The following VPS35L variants were observed in gnomAD, a reference collection of about 807,000 sequenced individuals.
VPS35L encodes the protein VPS35 endosomal protein sorting factor like.
A neutral mutation model predicts 133.0 loss-of-function variants in VPS35L; 83 were observed. The observed-to-expected ratio is 0.62, with a 90% CI of 0.52 to 0.75. The LOEUF is 0.75. Ranked by LOEUF, VPS35L falls within the 30% of genes least tolerant of loss-of-function variation. The probability of loss-of-function intolerance (pLI) is 0.00; values close to 1 mark genes in which losing one functional copy is unlikely to be tolerated. For missense variants in VPS35L, 1,083 were observed against 1,206.8 expected, an observed-to-expected ratio of 0.90 and a Z score of 1.52; for synonymous variants, 423 against 449.9, an observed-to-expected ratio of 0.94 and a Z score of 0.76.
At chr16:19,657,126 G>A (rs1335799989) in intron 26 of VPS35L, among the ~76,000 whole-genome samples, 1 of 151,604 alleles carries the variant, frequency 6.6e-6, no homozygotes, top group South Asian at 2.1e-4. Context: ...CCACCACACC[G>A]GGCTAATTTT....
chr16:19,573,209 G>A lies in VPS35L; in HGVS notation c.376G>A (p.Ala126Thr). 1.2e-6 allele frequency: 2 copies of A among 1,613,940 alleles called. No homozygotes were observed. Among genetic ancestry groups the A allele is most frequent in the Non-Finnish European group, 8.5e-7 (1 of 1,179,894 alleles). ...GACCAACAAACGGGGAGAAATCCTT[G>A]CCCGGTACACCACTACCGAAAAGCT... is the stretch of plus-strand genomic sequence containing the variant. ...PWTNKRGEIL[A>T]RYTTTEKLSI... Residue 126 changes from alanine (A) to threonine (T), a missense_variant, in exon 4 of 31, where the codon GCC (alanine) becomes ACC (threonine). Physicochemically the swap from Ala to Thr is moderately conservative, Grantham distance 58. Coordinates refer to ENST00000417362, the MANE Select transcript of VPS35L (RefSeq NM_020314.7).
At chr16:19,625,491 T>C (rs915050620) in intron 14 of VPS35L, among the ~76,000 whole-genome samples, 16 of 151,680 alleles carry the variant, frequency 1.1e-4, no homozygotes, top group African/African-American at 3.4e-4. Flanking sequence ...AGTGCAGGAG[T>C]TATCTCCCAT....
chr16:19,633,576 G>A lies in VPS35L; in HGVS notation c.1635+404G>A, dbSNP rs62024066. Among the ~76,000 whole-genome samples, 8,578 of 152,220 alleles carry A rather than the reference G, an allele frequency of 0.056. 459 individuals are homozygous for A. The highest frequency in any genetic ancestry group is 0.22 in the East Asian group (1,161 of 5,166). ...CAGTCACGGAGGCTGGAGTGCAGTG[G>A]TGCGATCACCGCTTGGCACAGCCTC... is the stretch of plus-strand genomic sequence containing the variant. On this transcript the variant is annotated intron_variant, in intron 19 of 30. Coordinates refer to ENST00000417362, the MANE Select transcript of VPS35L (RefSeq NM_020314.7). This position sits in a 1 kb window ranked among gnomAD's most constrained non-coding sequence, Gnocchi z 4.1.
In VPS35L at chr16:19,650,499, A is replaced by C. The variant is rs958553819; in HGVS notation, c.2106+40A>C. On this transcript the variant is annotated intron_variant, in intron 25 of 30. Transcript: ENST00000417362. ...TAAGGACTGTTGGACCTCGAACTCC[A>C]GTGGGCTGTTTAGTTTGCAGGTTAC... 4 of 1,493,380 alleles carry C rather than the reference A, an allele frequency of 2.7e-6. No homozygotes were observed. The African/African-American group carries it at 5.5e-5, about 21-fold the overall frequency. 92.5% of individuals were successfully genotyped at this position (1,493,380 alleles called of 1,614,324 possible). A position where few individuals can be genotyped will look rare whatever the true frequency, so the allele number is the denominator to read the frequency against.
rs531769532 is a variant in VPS35L at position 19,608,415 on chromosome 16, A to G, written c.881+141A>G. The G allele has an allele frequency of 2.4e-4, 156 of 658,584 alleles. No individual in the cohort carries two copies. In the East Asian group the frequency reaches 2.8e-3, roughly 12 times the overall value. The allele number at this position is 658,584 out of a possible 1,614,324, so 40.8% of individuals were successfully genotyped here. The stretch of plus-strand genomic sequence containing the variant: ...GTTACGGTTGCTAGCCTGAAAACAC[A>G]TACAGGGCAAGCCACATTGTAGAAA... On this transcript the variant is annotated intron_variant, in intron 10 of 30. Coordinates refer to ENST00000417362, the MANE Select transcript of VPS35L (RefSeq NM_020314.7).
chr16:19,614,284 GT>G (rs1972817966), intron 12 of VPS35L, among the ~76,000 whole-genome samples: 1 of 152,138 alleles, frequency 6.6e-6, no homozygotes, highest in Non-Finnish European at 1.5e-5. Context: ...AGCACTTCCT[GT>G]ACCCAGCAAT....
At chr16:19,636,282 A>C (rs1028008757) in intron 19 of VPS35L, among the ~76,000 whole-genome samples, 10 of 152,226 alleles carry the variant, frequency 6.6e-5, no homozygotes, top group Admixed American at 2.6e-4. Flanking sequence ...TGATAAAGTA[A>C]ATGTATTAAA....
At chr16:19,558,980 T>TA (rs1970945264) in intron 1 of VPS35L, among the ~76,000 whole-genome samples, 1 of 152,006 alleles carries the variant, frequency 6.6e-6, no homozygotes, top group African/African-American at 2.4e-5. Context: ...TTAAGAGTTT[T>TA]TTTTATGTGT....
At chr16:19,616,339 C>A in intron 13 of VPS35L, 148 bp downstream of exon 13, 2 of 701,608 alleles carry the variant, frequency 2.9e-6, no homozygotes, top group Non-Finnish European at 2.4e-6. Context: ...CTGTTGTAGA[C>A]AATTAAAATG....
intron 14 of VPS35L, among the ~76,000 whole-genome samples, chr16:19,620,717 A>G (rs1973050533): frequency 2.0e-5 from 3 of 152,120 alleles, no homozygotes; most frequent in Admixed American, 1.3e-4. Flanking sequence ...TTGGGAGGCC[A>G]AGGCGGGCGG....
chr16:19,678,107 G>GTATT (rs1429330573), intron 27 of VPS35L, among the ~76,000 whole-genome samples: 1 of 152,156 alleles, frequency 6.6e-6, no homozygotes, highest in African/African-American at 2.4e-5. Flanking sequence ...TACTTCTAGG[G>GTATT]TATTATTAGA....
intron 27 of VPS35L, among the ~76,000 whole-genome samples, chr16:19,680,802 C>T (rs1408147773): frequency 6.6e-6 from 1 of 151,958 alleles, no homozygotes; most frequent in Non-Finnish European, 1.5e-5. Flanking sequence ...CCCAGCACCT[C>T]AGGAGGCTGA....
chr16:19,700,521 A>G lies in VPS35L; in HGVS notation c.*45A>G, dbSNP rs1268892125. 1.3e-6 allele frequency: 2 copies of G among 1,504,914 alleles called. No homozygotes were observed. The highest frequency in any genetic ancestry group is 1.7e-5 in the Admixed American group (1 of 59,216). The allele number at this position is 1,504,914 out of a possible 1,614,324, so 93.2% of individuals were successfully genotyped here. On this transcript the variant is annotated 3_prime_UTR_variant, in exon 31 of 31. Transcript: ENST00000417362. ...GCTCAGGGACTCTGGTGCCAAATCCAGAAAGATCTGCTCTGCTGCCCTGAA... is the reference window on the plus strand; with the variant it reads ...GCTCAGGGACTCTGGTGCCAAATCCGGAAAGATCTGCTCTGCTGCCCTGAA...
intron 9 of VPS35L, among the ~76,000 whole-genome samples, chr16:19,604,831 G>A (rs2151541769): frequency 6.6e-6 from 1 of 152,314 alleles, no homozygotes; most frequent in East Asian, 1.9e-4. Flanking sequence ...AGTTGAGAAA[G>A]ATACAGTGTC....
rs1324205667 is a variant in VPS35L, at chr16:19,699,067, G to A, written c.2647-435G>A. ...GAGATGTGTTTTGGTCTTTATTACC[G>A]GCAGCCCAGGGGCAGGAATACTGAC... On this transcript the variant is annotated intron_variant, in intron 29 of 30. Transcript: ENST00000417362. This position sits in a 1 kb window ranked among gnomAD's most constrained non-coding sequence, Gnocchi z 4.2. 2.0e-5 allele frequency among the ~76,000 whole-genome samples: 3 copies of A among 152,252 alleles called. No individual in the cohort carries two copies. The highest frequency in any genetic ancestry group is 4.1e-4 in the South Asian group (2 of 4,830).
intron 7 of VPS35L, among the ~76,000 whole-genome samples, chr16:19,586,154 C>A (rs1971856640): frequency 6.6e-6 from 1 of 152,178 alleles, no homozygotes; most frequent in South Asian, 2.1e-4. Context: ...TTCATCTTGG[C>A]CTCCCAAAGT....
intron 27 of VPS35L, among the ~76,000 whole-genome samples, chr16:19,680,923 CTA>C (rs1491274470): frequency 2.8e-5 from 4 of 143,778 alleles, no homozygotes; most frequent in African/African-American, 1.0e-4. Flanking sequence ...CGCCCCCCCC[CTA>C]AAAAAACAGG....
chr16:19,578,030 G>A (rs935898980), intron 5 of VPS35L, among the ~76,000 whole-genome samples: 3 of 152,156 alleles, frequency 2.0e-5, no homozygotes, highest in Non-Finnish European at 4.4e-5. Context: ...CACTACTAGG[G>A]GTATCCCCAG....
chr16:19,677,340 C>G (rs1360828361), intron 27 of VPS35L, among the ~76,000 whole-genome samples: 1 of 152,120 alleles, frequency 6.6e-6, no homozygotes, highest in East Asian at 1.9e-4. Context: ...GCCTCGGCCT[C>G]CCAGAGTGCT....
Sources: gnomAD v4.1 joint callset for allele counts (sites outside exome capture counted in the v4.1 genomes callset) on GRCh38, gnomAD v4.1.1 for gene constraint, Gnocchi (gnomAD v3.1) non-coding constraint, MANE v1.5 for transcripts, NCBI Gene and HGNC (gene_info 2026-07-23, HGNC 2026-07-21) for gene names.